Variants in NEMF observed in about 807,000 individuals in gnomAD.
NEMF encodes nuclear export mediator factor.
NEMF carries 89 observed loss-of-function variants against 162.2 expected under a neutral mutation model. The observed-to-expected ratio is 0.55, with a 90% CI of 0.46 to 0.65. NEMF has a LOEUF of 0.65. NEMF is among the 30% of genes least tolerant of loss of function. The probability of loss-of-function intolerance (pLI) is 0.00; values close to 1 mark genes in which losing one functional copy is unlikely to be tolerated. For missense variants in NEMF, 1,133 were observed against 1,261.9 expected (o/e 0.90, Z 1.55); for synonymous variants, 421 against 404.5 (o/e 1.04, Z -0.49).
At chr14:49,792,029 G>C (rs1438625579) in intron 26 of NEMF, among the ~76,000 whole-genome samples, 1 of 151,774 alleles carries the variant, frequency 6.6e-6, no homozygotes, top group African/African-American at 2.4e-5. Context: ...TGTGGTCTCA[G>C]CTACTAGGGA....
At chr14:49,792,666 C>T (rs1890508005) in intron 26 of NEMF, among the ~76,000 whole-genome samples, 1 of 152,106 alleles carries the variant, frequency 6.6e-6, no homozygotes, top group African/African-American at 2.4e-5. Flanking sequence ...AACTAATATA[C>T]CATACTGACT....
At chr14:49,790,423 C>T (rs576200986) in intron 26 of NEMF, among the ~76,000 whole-genome samples, 29 of 152,194 alleles carry the variant, frequency 1.9e-4, no homozygotes, top group African/African-American at 1.4e-4. Context: ...CATGAGAAAG[C>T]GCTCAATATC....
intron 16 of NEMF, among the ~76,000 whole-genome samples, chr14:49,816,782 C>T (rs1891736558): frequency 6.6e-6 from 1 of 152,118 alleles, no homozygotes; most frequent in African/African-American, 2.4e-5. Flanking sequence ...CTTAACCATT[C>T]CCCTACTGAT....
chr14:49,814,642 A>T, intron 17 of NEMF, 112 bp downstream of exon 17: 1 of 584,592 alleles, frequency 1.7e-6, no homozygotes, highest in Non-Finnish European at 3.0e-6. Context: ...AAATCTTTCT[A>T]CTAGTTAAAT....
intron 24 of NEMF, 53 bp downstream of exon 24, chr14:49,799,583 G>A: frequency 6.3e-7 from 1 of 1,594,726 alleles, no homozygotes; most frequent in African/African-American, 1.4e-5. Context: ...TTGAAAAGTA[G>A]AAAATTATTC....
At chr14:49,803,413 A>G in intron 19 of NEMF, 119 bp from the exon 20 acceptor site, 5 of 590,928 alleles carry the variant, frequency 8.5e-6, no homozygotes, top group Non-Finnish European at 1.4e-5. Flanking sequence ...TGAAAAGTTT[A>G]TAATTTCGTA....
chr14:49,791,603 G>A (rs777687075), intron 26 of NEMF, among the ~76,000 whole-genome samples: 1 of 151,926 alleles, frequency 6.6e-6, no homozygotes, highest in African/African-American at 2.4e-5. Context: ...TGGGCATAGT[G>A]GTGCACGCCT....
At chr14:49,799,373 GA>G (rs68063911) in intron 25 of NEMF, 101 bp downstream of exon 25, 809,375 of 1,009,894 alleles carry the variant, frequency 0.8, 326,527 homozygotes, top group East Asian at 0.99. Context: ...TAAATTTAAT[GA>G]AGGAAGTCTT....
rs1446003588 is a variant in NEMF at position 49,784,942 on chromosome 14, A to C, written c.3136T>G (p.Leu1046Val). 1 of 1,613,736 alleles carries C rather than the reference A, an allele frequency of 6.2e-7. No individual in the cohort carries two copies. Among genetic ancestry groups the C allele is most frequent in the Non-Finnish European group, 8.5e-7 (1 of 1,179,776 alleles). The change falls in exon 32 of 33, where the codon TTA becomes GTA. Residue 1046 changes from leucine (L) to valine (V), a missense_variant. Physicochemically the swap from Leu to Val is conservative, Grantham distance 32. Transcript: ENST00000298310. ...AACTTTACCTTTACGCTGCGGAATA[A>C]GTCTTTTTCTCTTGCTGTTGCTTCT... Reference protein sequence around the residue: ...SKEATAREKDLFRSVKDTDLS... With the variant: ...SKEATAREKDVFRSVKDTDLS...
chr14:49,851,817 G>A lies in NEMF; in HGVS notation c.118C>T (p.Arg40Cys), dbSNP rs1893792283. Residue 40 changes from arginine to cysteine, a missense_variant, in exon 2 of 33, where the codon CGT becomes TGT. This residue lies in a region of NEMF where 582 missense variants were observed against 631.5 expected (regional missense o/e 0.92). Coordinates refer to ENST00000298310, the MANE Select transcript of NEMF (RefSeq NM_004713.6). Reference protein sequence around the residue: ...YDVDNKTYLIRLQKPDFKATL... With the variant: ...YDVDNKTYLICLQKPDFKATL... The stretch of plus-strand genomic sequence containing the variant: ...ATAAAATGTTCTTACTTTTGAAGAC[G>A]AATAAGGTATGTCTTATTATCCACA... The A allele has an allele frequency of 6.4e-7, 1 of 1,561,330 alleles. No individual in the cohort carries two copies. Among genetic ancestry groups the A allele is most frequent in the African/African-American group, 1.4e-5 (1 of 73,222 alleles).
Position 49,782,809 on chromosome 14 carries a change from T to C in NEMF, c.*1827A>G, listed in dbSNP as rs890463414. On this transcript the variant is annotated 3_prime_UTR_variant, in exon 33 of 33. Coordinates refer to ENST00000298310, the MANE Select transcript of NEMF (RefSeq NM_004713.6). ...AAACAGTAAAGTGAAATTACTTTTCTCTTTCCTTGTCCACTTTCAGGCTAA... is the reference window on the plus strand; with the variant it reads ...AAACAGTAAAGTGAAATTACTTTTCCCTTTCCTTGTCCACTTTCAGGCTAA... 2 of 1,605,474 alleles carry C rather than the reference T, an allele frequency of 1.2e-6. No homozygotes were observed. Among genetic ancestry groups the C allele is most frequent in the Admixed American group, 3.5e-5 (2 of 57,954 alleles).
At chr14:49,821,213 TG>T (rs544038053) in intron 16 of NEMF, among the ~76,000 whole-genome samples, 3,799 of 9,400 alleles carry the variant, frequency 0.4, 1,705 homozygotes, top group East Asian at 1. Context: ...GGGAGGGAGG[TG>T]GGGGGGTCAG....
intron 3 of NEMF, among the ~76,000 whole-genome samples, chr14:49,849,384 G>T (rs1893665676): frequency 6.6e-6 from 1 of 152,188 alleles, no homozygotes; most frequent in South Asian, 2.1e-4. Context: ...CAACAGCTTG[G>T]TGAAATCAAC....
chr14:49,837,423 G>A (rs1205050836), intron 6 of NEMF, among the ~76,000 whole-genome samples: 1 of 152,036 alleles, frequency 6.6e-6, no homozygotes, highest in East Asian at 1.9e-4. Flanking sequence ...TGGCCAAGGT[G>A]GTTGGATTGC....
At chr14:49,793,670 G>A (rs1890554887) in intron 26 of NEMF, among the ~76,000 whole-genome samples, 1 of 152,224 alleles carries the variant, frequency 6.6e-6, no homozygotes, top group Non-Finnish European at 1.5e-5. Context: ...GTACACTTAA[G>A]ATTAATTGCA....
chr14:49,830,653 G>C (rs1031714952), intron 11 of NEMF, among the ~76,000 whole-genome samples: 1 of 152,222 alleles, frequency 6.6e-6, no homozygotes, highest in Non-Finnish European at 1.5e-5. Flanking sequence ...CCAAAGTGCT[G>C]GGATTTACAG....
chr14:49,800,768 A>G, intron 22 of NEMF, 72 bp from the exon 23 acceptor site: 3 of 1,384,490 alleles, frequency 2.2e-6, no homozygotes, highest in Non-Finnish European at 3.0e-6. Context: ...AAAATGTCAT[A>G]AAAATATTCC....
chr14:49,812,920 C>T (rs1344410323), intron 18 of NEMF, among the ~76,000 whole-genome samples: 3 of 151,920 alleles, frequency 2.0e-5, no homozygotes, highest in Non-Finnish European at 4.4e-5. Flanking sequence ...GGACTACAGG[C>T]GTGTGCCACC....
intron 16 of NEMF, among the ~76,000 whole-genome samples, 157 bp from the exon 17 acceptor site, chr14:49,815,014 A>G (rs562652032): frequency 8.5e-5 from 13 of 152,340 alleles, no homozygotes; most frequent in African/African-American, 3.1e-4. Flanking sequence ...CCTATAATAC[A>G]AATTGCCCTA....
Sources: allele counts gnomAD v4.1 joint callset (sites outside exome capture counted in the v4.1 genomes callset), GRCh38; gene constraint gnomAD v4.1.1; regional missense constraint gnomAD v4.1.1; transcripts MANE v1.5; gene names NCBI Gene and HGNC (gene_info 2026-07-23, HGNC 2026-07-21).